CTNNA2: variants seen among roughly 807,000 people sequenced by gnomAD.
CTNNA2 encodes the protein catenin alpha-2.
In CTNNA2, 42 loss-of-function variants were observed where a neutral mutation model predicts 101.0. That is an observed-to-expected ratio of 0.42 (90% CI 0.32 to 0.54). The LOEUF (loss-of-function observed/expected upper bound fraction) is 0.54. CTNNA2 is among the 20% of genes least tolerant of loss of function. The probability of loss-of-function intolerance (pLI) is 0.14; values close to 1 mark genes in which losing one functional copy is unlikely to be tolerated. For missense variants in CTNNA2, 871 were observed against 1,223.1 expected (o/e 0.71, Z 4.29); for synonymous variants, 450 against 456.4 (o/e 0.99, Z 0.18).
Position 79,406,542 on chromosome 2 carries a change from A to G in CTNNA2, c.-135+32529A>G, listed in dbSNP as rs180852288. ...TCATGTATCTCCTCAAGGGCATCCT[A>G]CTGGTGCATAGTCTTATGCAGCTGT... is the stretch of plus-strand genomic sequence containing the variant. On this transcript the variant is annotated intron_variant, in intron 4 of 21. Transcript: ENST00000466387. Among the ~76,000 whole-genome samples, 116 of 152,126 alleles carry G rather than the reference A, an allele frequency of 7.6e-4. 1 individual carries two copies. In the South Asian group the frequency reaches 0.012, roughly 16 times the overall value.
rs542715693 is a variant in CTNNA2 at position 79,586,598 on chromosome 2, C to G, written c.-5-64954C>G. 6.0e-5 allele frequency among the ~76,000 whole-genome samples: 9 copies of G among 151,224 alleles called. No individual in the cohort carries two copies. In the South Asian group the frequency reaches 1.9e-3, roughly 32 times the overall value. On this transcript the variant is annotated intron_variant, in intron 1 of 18. Coordinates refer to ENST00000402739, the MANE Select transcript of CTNNA2 (RefSeq NM_001282597.3). ...GTTTGAATTTTATTTTTAAACCATTCACATCATGCTATCCATTACATCTAG... is the reference window on the plus strand; with the variant it reads ...GTTTGAATTTTATTTTTAAACCATTGACATCATGCTATCCATTACATCTAG...
At chr2:79,218,385 A>G (rs1558577234) in intron 2 of CTNNA2, among the ~76,000 whole-genome samples, 3 of 144,648 alleles carry the variant, frequency 2.1e-5, no homozygotes, top group Admixed American at 1.4e-4. Context: ...ATCTTGCTAC[A>G]TTGCCCAGGC....
At chr2:79,660,740 C>T (rs535081894) in intron 2 of CTNNA2, among the ~76,000 whole-genome samples, 12 of 152,042 alleles carry the variant, frequency 7.9e-5, no homozygotes, top group Admixed American at 2.0e-4. Context: ...TAATGTCTGC[C>T]ACCAGATGGG....
chr2:79,566,117 A>G (rs1340404526), intron 1 of CTNNA2, among the ~76,000 whole-genome samples: 1 of 152,122 alleles, frequency 6.6e-6, no homozygotes, highest in Non-Finnish European at 1.5e-5. Context: ...GAGAAGAACT[A>G]AAAGATACCT....
intron 1 of CTNNA2, among the ~76,000 whole-genome samples, chr2:79,616,718 T>C (rs1340275755): frequency 6.6e-6 from 1 of 152,120 alleles, no homozygotes; most frequent in Admixed American, 6.5e-5. Flanking sequence ...GTGAAAAGAC[T>C]TTATGTTTAT....
chr2:79,557,827 C>T (rs1007584427), intron 1 of CTNNA2, among the ~76,000 whole-genome samples: 1 of 151,906 alleles, frequency 6.6e-6, no homozygotes, highest in South Asian at 2.1e-4. Flanking sequence ...GTATTGACAT[C>T]TATTATTTTT....
chr2:79,803,715 A>G (rs572293784), intron 3 of CTNNA2, among the ~76,000 whole-genome samples: 31 of 152,358 alleles, frequency 2.0e-4, no homozygotes, highest in Non-Finnish European at 2.5e-4. Context: ...GTTTATGGCC[A>G]GATTTTGGGG....
chr2:79,308,590 C>T (rs558409052), intron 2 of CTNNA2, among the ~76,000 whole-genome samples: 1 of 152,154 alleles, frequency 6.6e-6, no homozygotes, highest in African/African-American at 2.4e-5. Context: ...GACCAATGTC[C>T]GGAAGCATTT....
chr2:79,884,751 C>CTTTTTTT (rs375184305), intron 6 of CTNNA2, among the ~76,000 whole-genome samples: 2 of 138,398 alleles, frequency 1.4e-5, no homozygotes, highest in African/African-American at 2.7e-5. Context: ...TTTAAATATG[C>CTTTTTTT]TTTTTTTTTT....
chr2:80,645,769 C>T (rs751608168), intron 18 of CTNNA2, among the ~76,000 whole-genome samples: 12 of 151,996 alleles, frequency 7.9e-5, no homozygotes, highest in Admixed American at 3.9e-4. Context: ...GCTGTATAAA[C>T]GAAAGAGTAT....
chr2:80,647,497 C>A, intron 18 of CTNNA2, 88 bp from the exon 19 acceptor site: 1 of 1,143,546 alleles, frequency 8.7e-7, no homozygotes, highest in Non-Finnish European at 1.2e-6. Flanking sequence ...ACAAGGAAAA[C>A]ATTATTTTAA....
chr2:80,036,554 A>G (rs1695662963), intron 7 of CTNNA2, among the ~76,000 whole-genome samples: 2 of 152,306 alleles, frequency 1.3e-5, no homozygotes, highest in Admixed American at 6.5e-5. Flanking sequence ...GCAGTGAGCT[A>G]TGATAGCACC....
chr2:79,666,654 A>G (rs1270539946), intron 2 of CTNNA2, among the ~76,000 whole-genome samples: 2 of 152,216 alleles, frequency 1.3e-5, no homozygotes, highest in Non-Finnish European at 2.9e-5. Flanking sequence ...TTCAGACGTT[A>G]CTTCAAATTC....
intron 7 of CTNNA2, among the ~76,000 whole-genome samples, chr2:80,286,998 G>C (rs1026831945): frequency 1.3e-5 from 2 of 152,120 alleles, no homozygotes; most frequent in Admixed American, 6.6e-5. Context: ...AAAATATATA[G>C]ACATGGTACA....
At chr2:79,465,827 A>T (rs987309360) in intron 4 of CTNNA2, among the ~76,000 whole-genome samples, 1 of 152,138 alleles carries the variant, frequency 6.6e-6, no homozygotes, top group Non-Finnish European at 1.5e-5. Flanking sequence ...TTGCACATTG[A>T]TTTTGTATCC....
At chr2:80,465,163 A>C (rs1424413677) in intron 9 of CTNNA2, among the ~76,000 whole-genome samples, 1 of 152,166 alleles carries the variant, frequency 6.6e-6, no homozygotes, top group African/African-American at 2.4e-5. Flanking sequence ...ACAATCAGGT[A>C]GGCTCTCTAT....
intron 7 of CTNNA2, among the ~76,000 whole-genome samples, chr2:80,003,344 C>T (rs1440490191): frequency 6.6e-6 from 1 of 152,156 alleles, no homozygotes; most frequent in Non-Finnish European, 1.5e-5. Context: ...TGAGACTAAA[C>T]TCTGTCAGGT....
intron 9 of CTNNA2, among the ~76,000 whole-genome samples, chr2:80,439,484 T>C (rs1257927303): frequency 1.3e-5 from 2 of 152,116 alleles, no homozygotes; most frequent in African/African-American, 4.8e-5. Context: ...CTGCAACCTC[T>C]GCCTCCTGGG....
intron 4 of CTNNA2, among the ~76,000 whole-genome samples, chr2:79,445,208 C>T (rs1678819861): frequency 1.3e-5 from 2 of 152,076 alleles, no homozygotes; most frequent in Non-Finnish European, 1.5e-5. Flanking sequence ...ATAGCCTGAA[C>T]TAAAAGTCAG....
Sources: gnomAD v4.1 joint callset for allele counts (sites outside exome capture counted in the v4.1 genomes callset) on GRCh38, gnomAD v4.1.1 for gene constraint, MANE v1.5 for transcripts, NCBI Gene and HGNC (gene_info 2026-07-23, HGNC 2026-07-21) for gene names.